The following STRN variants were observed in gnomAD, a reference collection of about 807,000 sequenced individuals.
The protein encoded by STRN is striatin, also known as protein phosphatase 2 regulatory subunit B'''alpha.
In STRN, 53 loss-of-function variants were observed where a neutral mutation model predicts 96.3. That is an observed-to-expected ratio of 0.55 (90% CI 0.44 to 0.69). The LOEUF is 0.69. Ranked by LOEUF, STRN falls within the 30% of genes least tolerant of loss-of-function variation. The pLI is 0.00. For synonymous variants in STRN, 428 were observed against 355.9 expected (o/e 1.20, Z -2.28); for missense variants, 987 against 963.9 (o/e 1.02, Z -0.32).
chr2:36,956,990 C>G (rs1478922975), intron 1 of STRN, among the ~76,000 whole-genome samples: 1 of 152,154 alleles, frequency 6.6e-6, no homozygotes, highest in African/African-American at 2.4e-5. Context: ...AAGGAATTAT[C>G]TGGCCAAAAT....
intron 8 of STRN, among the ~76,000 whole-genome samples, 158 bp downstream of exon 8, chr2:36,886,558 A>C (rs893544930): frequency 6.6e-5 from 10 of 152,166 alleles, no homozygotes; most frequent in African/African-American, 2.4e-4. Flanking sequence ...TTAAATAGCT[A>C]ATCATTTAAT....
rs914843333 is a variant in STRN, at chr2:36,846,584, T to A, written c.*2872A>T. The A allele has an allele frequency of 6.6e-6, 1 of 150,664 alleles. No homozygotes were observed. 9.3% of individuals were successfully genotyped at this position (150,664 alleles called of 1,614,324 possible). On this transcript the variant is annotated 3_prime_UTR_variant, in exon 18 of 18. Transcript: ENST00000263918. ...AATGAAAGTCAGATTAAAAAAAAAA[T>A]TTCTCACAAAGTTCATCATCAGTGA...
In STRN at chr2:36,843,248, A is replaced by G. The variant is rs115920741; in HGVS notation, c.*6208T>C. On this transcript the variant is annotated 3_prime_UTR_variant, in exon 18 of 18. Transcript: ENST00000263918. ...CAAACAATGGTGGATAGTTTCAAGG[A>G]TATCAGAAGAGATGCCTTTTAAATT... Among the ~76,000 whole-genome samples the G allele has an allele frequency of 5.5e-3, 838 of 152,286 alleles. 6 individuals carry two copies. The highest frequency in any genetic ancestry group is 0.019 in the African/African-American group (779 of 41,566).
chr2:36,957,448 C>T (rs1261172007), intron 1 of STRN, among the ~76,000 whole-genome samples: 1 of 151,968 alleles, frequency 6.6e-6, no homozygotes, highest in African/African-American at 2.4e-5. Flanking sequence ...ATTAGCCAGG[C>T]GTGGTGGTGC....
At chr2:36,897,180 A>C (rs1669563716) in intron 6 of STRN, among the ~76,000 whole-genome samples, 1 of 151,928 alleles carries the variant, frequency 6.6e-6, no homozygotes, top group African/African-American at 2.4e-5. Flanking sequence ...AAAAAAAAAG[A>C]AAAATAAAAT....
At chr2:36,857,597 T>A (rs896914586) in intron 14 of STRN, among the ~76,000 whole-genome samples, 2 of 151,666 alleles carry the variant, frequency 1.3e-5, no homozygotes, top group African/African-American at 4.8e-5. Flanking sequence ...GAGATGGAGG[T>A]TGCAGTGAGC....
chr2:36,857,707 G>C (rs1194887567), intron 14 of STRN, 149 bp downstream of exon 14: 5 of 631,476 alleles, frequency 7.9e-6, no homozygotes, highest in Non-Finnish European at 1.3e-5. Flanking sequence ...ATTATATATA[G>C]GTTGGAAATT....
rs553351693 is a variant in STRN at position 36,948,081 on chromosome 2, C to CTTTTTTTTTTTTTTTTTTTTT, written c.234+18128_234+18148dup. Among the ~76,000 whole-genome samples, 3 of 68,138 alleles carry CTTTTTTTTTTTTTTTTTTTTT rather than the reference C, an allele frequency of 4.4e-5. 1 individual carries two copies. The highest frequency in any genetic ancestry group is 1.9e-4 in the African/African-American group (3 of 15,886). The allele number at this position is 68,138 out of a possible 152,430, so 44.7% of individuals were successfully genotyped here. On this transcript the variant is annotated intron_variant, in intron 1 of 17. Transcript: ENST00000263918. ...TCTCCTCTATAATTATCAGTGCACTCTTTTTTTTTTTTTTTTTTTTTTTTT... is the reference window on the plus strand; with the variant it reads ...TCTCCTCTATAATTATCAGTGCACTCTTTTTTTTTTTTTTTTTTTTTTTTTTTTTTTTTTTTTTTTTTTTTT...
intron 4 of STRN, 175 bp from the exon 5 acceptor site, chr2:36,902,926 T>C (rs751266633): frequency 1.4e-4 from 60 of 423,978 alleles, no homozygotes; most frequent in Admixed American, 2.5e-4. Context: ...AGCTGTCTCT[T>C]GCAGTACCAG....
intron 1 of STRN, among the ~76,000 whole-genome samples, chr2:36,951,006 G>C (rs1417009382): frequency 6.6e-6 from 1 of 151,894 alleles, no homozygotes; most frequent in Non-Finnish European, 1.5e-5. Context: ...AATCAGAAAA[G>C]GAGAATGCAA....
chr2:36,963,612 T>C (rs1353313240), intron 1 of STRN, among the ~76,000 whole-genome samples: 1 of 152,118 alleles, frequency 6.6e-6, no homozygotes, highest in African/African-American at 2.4e-5. Flanking sequence ...ATTTTTAAAG[T>C]TTCTCTGTGG....
chr2:36,966,215 C>A lies in STRN; in HGVS notation c.234+15G>T. On this transcript the variant is annotated intron_variant, in intron 1 of 17. Coordinates refer to ENST00000263918, the MANE Select transcript of STRN (RefSeq NM_003162.4). ...AGAGGCGGGATGAAGACGGCCAGGC[C>A]GGGAGGGTCTTTACCTGCAGCTCCG... is the stretch of plus-strand genomic sequence containing the variant. 2 of 1,544,352 alleles carry A rather than the reference C, an allele frequency of 1.3e-6. No individual in the cohort carries two copies. The highest frequency in any genetic ancestry group is 1.7e-6 in the Non-Finnish European group (2 of 1,146,912).
At chr2:36,909,700 T>C (rs747050209) in intron 3 of STRN, among the ~76,000 whole-genome samples, 1 of 151,956 alleles carries the variant, frequency 6.6e-6, no homozygotes, top group African/African-American at 2.4e-5. Context: ...ATCCCAAGCA[T>C]AAGAAATATG....
chr2:36,928,505 A>C (rs1670477402), intron 1 of STRN, among the ~76,000 whole-genome samples: 1 of 151,706 alleles, frequency 6.6e-6, no homozygotes, highest in African/African-American at 2.4e-5. Context: ...TACAAAAATT[A>C]GCCAGGCATG....
At chr2:36,940,862 A>G (rs993251809) in intron 1 of STRN, among the ~76,000 whole-genome samples, 1 of 147,762 alleles carries the variant, frequency 6.8e-6, no homozygotes. Context: ...AAAAAAAAAA[A>G]GTAAATTAGG....
intron 9 of STRN, among the ~76,000 whole-genome samples, chr2:36,879,680 A>C (rs1431812407): frequency 6.6e-6 from 1 of 152,230 alleles, no homozygotes; most frequent in Admixed American, 6.5e-5. Flanking sequence ...AACATTTGTG[A>C]GTCAATAAGA....
rs1387066343 is a variant in STRN at position 36,845,911 on chromosome 2, GCATGCACACA to G, written c.*3535_*3544del. On this transcript the variant is annotated 3_prime_UTR_variant, in exon 18 of 18. Transcript: ENST00000263918. ...CACACACACACACACACACACGCAT[GCATGCACACA>G]CACACACACACACACACACACACAC... The G allele has an allele frequency of 2.4e-4, 6 of 25,224 alleles. No individual in the cohort carries two copies. The highest frequency in any genetic ancestry group is 5.1e-4 in the Non-Finnish European group (6 of 11,820). 1.6% of individuals were successfully genotyped at this position (25,224 alleles called of 1,614,324 possible).
chr2:36,879,540 T>C (rs767717208), intron 9 of STRN, among the ~76,000 whole-genome samples: 3 of 152,226 alleles, frequency 2.0e-5, no homozygotes, highest in African/African-American at 7.2e-5. Flanking sequence ...AAAAGCAATA[T>C]GTCTAATTAA....
At chr2:36,890,299 ATAAG>A (rs1376769310) in intron 7 of STRN, among the ~76,000 whole-genome samples, 1 of 152,126 alleles carries the variant, frequency 6.6e-6, no homozygotes, top group East Asian at 1.9e-4. Flanking sequence ...CAATGACTAA[ATAAG>A]TATCTTTTAT....
Sources: gnomAD v4.1 joint callset for allele counts (sites outside exome capture counted in the v4.1 genomes callset) on GRCh38, gnomAD v4.1.1 for gene constraint, MANE v1.5 for transcripts, NCBI Gene and HGNC (gene_info 2026-07-23, HGNC 2026-07-21) for gene names.